The following DRC11 variants were observed in gnomAD, a reference collection of about 807,000 sequenced individuals.
DRC11 encodes IQ and AAA domain-containing protein 1.
chr2:236,336,465 A>ACCACTG, the DRC11 span, among the ~76,000 whole-genome samples: 3 of 150,186 alleles, frequency 2.0e-5, no homozygotes, highest in Admixed American at 6.6e-5. The surrounding 1 kb of genome is among the most constrained non-coding windows in gnomAD (Gnocchi z 7.3). Context: ...CACGGCCACC[A>ACCACTG]CCACTGCCAC....
At chr2:236,379,993 T>C in the DRC11 span, among the ~76,000 whole-genome samples, 1 of 152,278 alleles carries the variant, frequency 6.6e-6, no homozygotes, top group African/African-American at 2.4e-5. Context: ...CCCACATTAT[T>C]AGGGATTTTA....
chr2:236,354,354 G>T, the DRC11 span, among the ~76,000 whole-genome samples: 2 of 132,114 alleles, frequency 1.5e-5, no homozygotes, highest in African/African-American at 5.9e-5. Context: ...TGTGTGTGTG[G>T]GGGGCAGGTT....
chr2:236,330,963 G>A, the DRC11 span, among the ~76,000 whole-genome samples: 113 of 152,324 alleles, frequency 7.4e-4, no homozygotes, highest in Middle Eastern at 0.031. The surrounding 1 kb of genome is among the most constrained non-coding windows in gnomAD (Gnocchi z 5.5). Context: ...AAAACAAAGT[G>A]TTCCATGACA....
the DRC11 span, among the ~76,000 whole-genome samples, chr2:236,400,782 A>G: frequency 2.6e-5 from 4 of 152,146 alleles, no homozygotes; most frequent in African/African-American, 9.6e-5. This position sits in a 1 kb window ranked among gnomAD's most constrained non-coding sequence, Gnocchi z 7.9. Flanking sequence ...CGGTGGCCTG[A>G]ACACGGTGCC....
chr2:236,327,119 A>G, the DRC11 span, among the ~76,000 whole-genome samples: 1 of 152,204 alleles, frequency 6.6e-6, no homozygotes, highest in Non-Finnish European at 1.5e-5. Context: ...AAGATCCTCT[A>G]AACTCAAATA....
the DRC11 span, among the ~76,000 whole-genome samples, chr2:236,397,091 G>C: frequency 3.9e-5 from 6 of 152,378 alleles, no homozygotes; most frequent in Non-Finnish European, 8.8e-5. This position sits in a 1 kb window ranked among gnomAD's most constrained non-coding sequence, Gnocchi z 5.0. Flanking sequence ...AGCGTGCCCA[G>C]CCTGCTGGAG....
At chr2:236,394,852 G>A in the DRC11 span, among the ~76,000 whole-genome samples, 15 of 152,290 alleles carry the variant, frequency 9.8e-5, 1 homozygote, top group Admixed American at 7.8e-4. The surrounding 1 kb of genome is among the most constrained non-coding windows in gnomAD (Gnocchi z 7.0). Context: ...CCAGCAAACC[G>A]AAGGGCAGGG....
chr2:236,415,656 G>A, the DRC11 span, among the ~76,000 whole-genome samples: 1 of 152,090 alleles, frequency 6.6e-6, no homozygotes, highest in African/African-American at 2.4e-5. This position sits in a 1 kb window ranked among gnomAD's most constrained non-coding sequence, Gnocchi z 5.7. Flanking sequence ...CCCTTCATTT[G>A]CAAGCATTTC....
At chr2:236,459,691 A>ACG in the DRC11 span, among the ~76,000 whole-genome samples, 1 of 143,944 alleles carries the variant, frequency 6.9e-6, no homozygotes. Context: ...GTATATACAT[A>ACG]TATACATATA....
the DRC11 span, chr2:236,419,397 C>T: frequency 7.3e-7 from 1 of 1,376,324 alleles, no homozygotes; most frequent in Non-Finnish European, 9.4e-7. The surrounding 1 kb of genome is among the most constrained non-coding windows in gnomAD (Gnocchi z 4.8). Flanking sequence ...CTGGACCCTG[C>T]AGGCCGACCC....
the DRC11 span, among the ~76,000 whole-genome samples, chr2:236,321,328 A>C: frequency 2.6e-5 from 4 of 152,234 alleles, no homozygotes; most frequent in South Asian, 2.1e-4. Context: ...ATACAAAATG[A>C]GGCCCGTCTG....
chr2:236,389,104 GCTGT>G, the DRC11 span, among the ~76,000 whole-genome samples: 2 of 152,206 alleles, frequency 1.3e-5, no homozygotes, highest in East Asian at 1.9e-4. Flanking sequence ...AGAGGTTACT[GCTGT>G]CTTTTTGTTT....
At chr2:236,450,038 G>C in the DRC11 span, among the ~76,000 whole-genome samples, 1 of 152,182 alleles carries the variant, frequency 6.6e-6, no homozygotes, top group African/African-American at 2.4e-5. Flanking sequence ...GAGGAAGACT[G>C]CTAATTTAAA....
At chr2:236,488,029 T>C in the DRC11 span, 7 of 1,601,654 alleles carry the variant, frequency 4.4e-6, 1 homozygote, top group South Asian at 7.9e-5. Context: ...GCAGCCCAGG[T>C]ATCTGTCACT....
the DRC11 span, chr2:236,497,203 T>C: frequency 1.2e-6 from 2 of 1,612,740 alleles, no homozygotes; most frequent in Non-Finnish European, 8.5e-7. The surrounding 1 kb of genome is among the most constrained non-coding windows in gnomAD (Gnocchi z 5.1). Flanking sequence ...ATCGAAATAA[T>C]GGAACTCCGT....
the DRC11 span, among the ~76,000 whole-genome samples, chr2:236,424,261 G>A: frequency 6.6e-6 from 1 of 152,050 alleles, no homozygotes; most frequent in African/African-American, 2.4e-5. Flanking sequence ...ATTATGAGCA[G>A]CTGAAAAGAT....
the DRC11 span, among the ~76,000 whole-genome samples, chr2:236,420,878 T>G: frequency 6.6e-6 from 1 of 152,162 alleles, no homozygotes; most frequent in African/African-American, 2.4e-5. This position sits in a 1 kb window ranked among gnomAD's most constrained non-coding sequence, Gnocchi z 4.8. Context: ...TGCCCAGGTC[T>G]TCATTGTACT....
At chr2:236,400,853 C>T in the DRC11 span, among the ~76,000 whole-genome samples, 1 of 152,196 alleles carries the variant, frequency 6.6e-6, no homozygotes, top group Non-Finnish European at 1.5e-5. The surrounding 1 kb of genome is among the most constrained non-coding windows in gnomAD (Gnocchi z 7.9). Flanking sequence ...TTTCTCCTCT[C>T]TCTCCCCATG....
At chr2:236,491,133 ATATATACAGTATATATATACACACAG>A in the DRC11 span, among the ~76,000 whole-genome samples, 315 of 114,960 alleles carry the variant, frequency 2.7e-3, 18 homozygotes, top group African/African-American at 0.011. Context: ...GTATATATAT[ATATATACAGTATATATATACACACAG>A]TATATATATA....
Sources: allele counts gnomAD v4.1 joint callset (sites outside exome capture counted in the v4.1 genomes callset), GRCh38; gene constraint gnomAD v4.1.1; non-coding constraint Gnocchi (gnomAD v3.1); transcripts MANE v1.5; gene names NCBI Gene and HGNC (gene_info 2026-07-23, HGNC 2026-07-21).